The following RNF220 variants were observed in gnomAD, a reference collection of about 807,000 sequenced individuals.
RNF220 encodes the protein ring finger protein 220, also known as E3 ubiquitin-protein ligase RNF220.
Under a neutral mutation model 67.1 loss-of-function variants are expected in RNF220, and 7 were observed. The observed-to-expected ratio is 0.10, with a 90% CI of 0.06 to 0.20. The LOEUF (loss-of-function observed/expected upper bound fraction) is 0.20, where lower values mean the gene tolerates loss of function less well. Among genes scored for constraint, RNF220 ranks in the 10% least tolerant of loss-of-function variants. The pLI is 1.00. For synonymous variants in RNF220, 270 were observed against 283.2 expected, an observed-to-expected ratio of 0.95 and a Z score of 0.47; for missense variants, 565 against 740.3, an observed-to-expected ratio of 0.76 and a Z score of 2.75.
At chr1:44,503,269 G>A (rs1430853442) in intron 2 of RNF220, among the ~76,000 whole-genome samples, 1 of 145,892 alleles carries the variant, frequency 6.9e-6, no homozygotes, top group South Asian at 2.1e-4. Flanking sequence ...GGAAGGCAGA[G>A]GTTGCAGTGA....
chr1:44,569,742 G>A (rs987069359), intron 2 of RNF220, among the ~76,000 whole-genome samples: 7 of 152,324 alleles, frequency 4.6e-5, no homozygotes, highest in South Asian at 2.1e-4. Flanking sequence ...GGCTGCTGAG[G>A]GGGAACAAGG....
intron 3 of RNF220, among the ~76,000 whole-genome samples, chr1:44,614,632 T>C (rs1401351020): frequency 6.6e-6 from 1 of 152,240 alleles, no homozygotes; most frequent in Non-Finnish European, 1.5e-5. Context: ...CAGCAGGTCC[T>C]AGGCCTGGCA....
At chr1:44,454,157 G>A (rs1218007000) in intron 2 of RNF220, among the ~76,000 whole-genome samples, 1 of 152,132 alleles carries the variant, frequency 6.6e-6, no homozygotes, top group Non-Finnish European at 1.5e-5. Context: ...CTGCTGATAT[G>A]GCAGAATGAG....
Position 44,473,988 on chromosome 1 carries a change from A to G in RNF220, c.625+61266A>G, listed in dbSNP as rs139053002. Reference sequence around the variant, plus strand: ...GTTATTATTGCAATTACCTAATTTCATTAAGTACAGTCGGCCTTCTGTATT... The same window carrying G: ...GTTATTATTGCAATTACCTAATTTCGTTAAGTACAGTCGGCCTTCTGTATT... On this transcript the variant is annotated intron_variant, in intron 2 of 14. Transcript: ENST00000361799. Among the ~76,000 whole-genome samples, 204 of 152,314 alleles carry G rather than the reference A, an allele frequency of 1.3e-3. 2 individuals are homozygous for G. The highest frequency in any genetic ancestry group is 4.6e-3 in the African/African-American group (193 of 41,574).
At chr1:44,494,128 C>G (rs1214657067) in intron 2 of RNF220, among the ~76,000 whole-genome samples, 1 of 150,448 alleles carries the variant, frequency 6.6e-6, no homozygotes, top group African/African-American at 2.5e-5. Context: ...ATCGCTTGAA[C>G]TCAGGAGGCG....
chr1:44,541,034 T>C (rs1661633480), intron 2 of RNF220, among the ~76,000 whole-genome samples: 1 of 152,214 alleles, frequency 6.6e-6, no homozygotes, highest in East Asian at 1.9e-4. Context: ...TTAGATTCTT[T>C]CACTTAATCT....
At chr1:44,620,308 G>A (rs185588491) in intron 3 of RNF220, among the ~76,000 whole-genome samples, 6 of 152,324 alleles carry the variant, frequency 3.9e-5, no homozygotes, top group Non-Finnish European at 5.9e-5. Flanking sequence ...TAAGGCCTGC[G>A]CCTGTCACAT....
chr1:44,508,347 G>A (rs1572715277), intron 2 of RNF220, among the ~76,000 whole-genome samples: 2 of 152,238 alleles, frequency 1.3e-5, no homozygotes, highest in Non-Finnish European at 2.9e-5. Context: ...AGAGATGGGC[G>A]AGTCGTGTGG....
intron 2 of RNF220, among the ~76,000 whole-genome samples, chr1:44,555,400 G>A (rs1375127108): frequency 6.6e-6 from 1 of 151,588 alleles, no homozygotes; most frequent in Admixed American, 6.6e-5. Context: ...CCACCTACCT[G>A]CCCAGTCTCA....
rs56409207 is a variant in RNF220 at position 44,527,925 on chromosome 1, C to CAAAAAAAAAAAAAAAAAAAAAAAA, written c.626-86237_626-86214dup. ...TGGGTGACAGAGCAAGACTCCATCC[C>CAAAAAAAAAAAAAAAAAAAAAAAA]AAAAAAAAAAAAAAAAAAAAAAAAA... On this transcript the variant is annotated intron_variant, in intron 2 of 14. Transcript: ENST00000361799. 1.8e-4 allele frequency among the ~76,000 whole-genome samples: 10 copies of CAAAAAAAAAAAAAAAAAAAAAAAA among 56,206 alleles called. 4 individuals carry two copies. Among genetic ancestry groups the CAAAAAAAAAAAAAAAAAAAAAAAA allele is most frequent in the African/African-American group, 8.1e-4 (8 of 9,834 alleles). 36.9% of individuals were successfully genotyped at this position (56,206 alleles called of 152,430 possible).
intron 2 of RNF220, among the ~76,000 whole-genome samples, chr1:44,478,290 T>G (rs978288389): frequency 3.9e-5 from 6 of 152,090 alleles, no homozygotes; most frequent in Admixed American, 1.3e-4. Flanking sequence ...TGGCTTAAGA[T>G]CCAGGATCTT....
At chr1:44,479,200 C>T (rs1409874557) in intron 2 of RNF220, among the ~76,000 whole-genome samples, 1 of 151,690 alleles carries the variant, frequency 6.6e-6, no homozygotes, top group African/African-American at 2.4e-5. Context: ...ACTGCAACCT[C>T]CGCCTCCCGG....
At chr1:44,626,196 C>A in intron 4 of RNF220, 101 bp from the exon 5 acceptor site, 2 of 820,640 alleles carry the variant, frequency 2.4e-6, no homozygotes, top group South Asian at 1.5e-5. Flanking sequence ...CAGCCTCCTT[C>A]TCTTTGCCTG....
At chr1:44,583,502 C>G (rs1489990604) in intron 2 of RNF220, among the ~76,000 whole-genome samples, 1 of 152,216 alleles carries the variant, frequency 6.6e-6, no homozygotes, top group East Asian at 1.9e-4. Context: ...TAACCTGTCC[C>G]TATTCCAAAT....
At chr1:44,468,742 G>A (rs984187083) in intron 2 of RNF220, among the ~76,000 whole-genome samples, 5 of 151,844 alleles carry the variant, frequency 3.3e-5, no homozygotes, top group Admixed American at 2.6e-4. Context: ...GGTGAAACTC[G>A]GTCTCTACAA....
chr1:44,509,309 G>A lies in RNF220; in HGVS notation c.625+96587G>A, dbSNP rs182717832. On this transcript the variant is annotated intron_variant, in intron 2 of 14. Transcript: ENST00000361799. The stretch of plus-strand genomic sequence containing the variant: ...CTCACGCCTGTAATCCCAGCACTTT[G>A]GGAGGCCCAGGAGGGCAGATCACGA... Among the ~76,000 whole-genome samples the A allele has an allele frequency of 1.1e-4, 17 of 152,012 alleles. No individual in the cohort carries two copies. In the East Asian group the frequency reaches 3.3e-3, roughly 30 times the overall value.
intron 2 of RNF220, among the ~76,000 whole-genome samples, chr1:44,513,224 G>C (rs1468982712): frequency 6.6e-6 from 1 of 152,188 alleles, no homozygotes; most frequent in Admixed American, 6.5e-5. Context: ...ATCAGAACCT[G>C]TGCGAGGAGC....
At chr1:44,486,080 C>T (rs2148036449) in intron 2 of RNF220, among the ~76,000 whole-genome samples, 1 of 152,262 alleles carries the variant, frequency 6.6e-6, no homozygotes, top group South Asian at 2.1e-4. Context: ...TGACTCTTTT[C>T]TCCCTATTAT....
chr1:44,498,332 C>G (rs544245181), intron 2 of RNF220, among the ~76,000 whole-genome samples: 1 of 152,198 alleles, frequency 6.6e-6, no homozygotes, highest in South Asian at 2.1e-4. Context: ...CAAGAGTGTA[C>G]CAGGACCGAT....
Sources: allele counts gnomAD v4.1 joint callset (sites outside exome capture counted in the v4.1 genomes callset), GRCh38; gene constraint gnomAD v4.1.1; transcripts MANE v1.5; gene names NCBI Gene and HGNC (gene_info 2026-07-23, HGNC 2026-07-21).